Variants in UTS2B observed in about 807,000 individuals in gnomAD.
The protein encoded by UTS2B is urotensin-2B.
Under a neutral mutation model 19.2 loss-of-function variants are expected in UTS2B, and 21 were observed. The ratio of observed to expected loss-of-function variants is 1.09; its 90% CI spans 0.78 to 1.58. The LOEUF (loss-of-function observed/expected upper bound fraction) is 1.58. Among genes scored for constraint, UTS2B ranks in the 40% most tolerant of loss-of-function variants. The pLI is 0.00. For synonymous variants in UTS2B, 57 were observed against 50.2 expected (o/e 1.14, Z -0.58); for missense variants, 138 against 130.3 (o/e 1.06, Z -0.29).
chr3:191,275,488 G>T (rs542734672), intron 7 of UTS2B, 143 bp from the exon 8 acceptor site: 34 of 599,506 alleles, frequency 5.7e-5, no homozygotes, highest in Middle Eastern at 4.1e-4. Flanking sequence ...AGACCATCCT[G>T]GCTAACACAG....
chr3:191,268,063 A>C lies in UTS2B; in HGVS notation c.*353T>G. On this transcript the variant is annotated 3_prime_UTR_variant, in exon 9 of 9. Transcript: ENST00000340524. The stretch of plus-strand genomic sequence containing the variant: ...ACAACCCTATCTTATCCATATGGAC[A>C]GGCGCCTTCCATGCATCCGTTTATA... 1 of 163,886 alleles carries C rather than the reference A, an allele frequency of 6.1e-6. No homozygotes were observed. The highest frequency in any genetic ancestry group is 1.3e-5 in the Non-Finnish European group (1 of 75,628). 10.2% of individuals were successfully genotyped at this position (163,886 alleles called of 1,614,324 possible).
chr3:191,344,602 G>T, the UTS2B span, among the ~76,000 whole-genome samples: 2 of 151,888 alleles, frequency 1.3e-5, no homozygotes, highest in African/African-American at 2.4e-5. Flanking sequence ...TTTTGGAGAC[G>T]GAGTCTCGCT....
chr3:191,342,660 A>G, the UTS2B span, among the ~76,000 whole-genome samples: 6 of 152,226 alleles, frequency 3.9e-5, no homozygotes, highest in Admixed American at 3.9e-4. Flanking sequence ...GGCTAAGGCA[A>G]ACAGAGTACT....
At chr3:191,309,941 TTTC>T (rs1197717759) in intron 3 of UTS2B, among the ~76,000 whole-genome samples, 1 of 152,088 alleles carries the variant, frequency 6.6e-6, no homozygotes, top group Non-Finnish European at 1.5e-5. Context: ...GAATTTTTTT[TTTC>T]TTTCTTTTTT....
upstream of UTS2B, among the ~76,000 whole-genome samples, chr3:191,331,547 A>G (rs1717985238): frequency 6.6e-6 from 1 of 152,228 alleles, no homozygotes; most frequent in East Asian, 1.9e-4. Flanking sequence ...AAGAAAATTC[A>G]GTGTGGCTCT....
chr3:191,309,465 G>A (rs141835609), intron 3 of UTS2B, among the ~76,000 whole-genome samples: 2,470 of 152,026 alleles, frequency 0.016, 31 homozygotes, highest in Non-Finnish European at 0.024. Context: ...GAGCCACCTC[G>A]CCTGGCCTCT....
chr3:191,315,415 G>C (rs886120226), intron 3 of UTS2B, among the ~76,000 whole-genome samples: 3 of 152,212 alleles, frequency 2.0e-5, no homozygotes, highest in African/African-American at 7.2e-5. Flanking sequence ...CCTGTGGTTG[G>C]CATAGGAAGT....
chr3:191,314,340 G>A (rs535391390), intron 3 of UTS2B, among the ~76,000 whole-genome samples: 18 of 152,226 alleles, frequency 1.2e-4, no homozygotes, highest in Middle Eastern at 3.4e-3. Flanking sequence ...TTCCAATTGG[G>A]TCAGCAGTCG....
At chr3:191,337,168 G>GA in the UTS2B span, among the ~76,000 whole-genome samples, 120 of 141,004 alleles carry the variant, frequency 8.5e-4, no homozygotes, top group African/African-American at 1.3e-3. Context: ...ATACTAGACA[G>GA]AAAAAAAAAA....
At chr3:191,275,392 T>C (rs1435744998) in intron 7 of UTS2B, 47 bp from the exon 8 acceptor site, 1 of 1,526,880 alleles carries the variant, frequency 6.5e-7, no homozygotes, top group Admixed American at 1.7e-5. Context: ...TATAAAACCA[T>C]GCTGTTGACC....
chr3:191,331,761 T>C (rs1039434523), upstream of UTS2B, among the ~76,000 whole-genome samples: 1 of 152,186 alleles, frequency 6.6e-6, no homozygotes, highest in Non-Finnish European at 1.5e-5. Context: ...CTAATATAAC[T>C]CTTAATTATG....
Position 191,282,118 on chromosome 3 carries a change from T to G in UTS2B, c.72A>C (p.Gln24His), listed in dbSNP as rs755034515. The change falls in exon 5 of 9, where the codon CAA becomes CAC. Residue 24 changes from glutamine (Q) to histidine (H), a missense_variant. By Grantham distance (24) the Gln-to-His change is conservative. Coordinates refer to ENST00000340524, the MANE Select transcript of UTS2B (RefSeq NM_198152.5). ...TAAGATATGGTCGTCCATGCACAGA[T>G]TGTAAAAAACTCAACACGGATAACA... The part of the protein sequence containing the change: ...LTLLSVLSFL[Q>H]SVHGRPYLTQ... The G allele has an allele frequency of 6.2e-7, 1 of 1,613,448 alleles. No homozygotes were observed. The highest frequency in any genetic ancestry group is 8.5e-7 in the Non-Finnish European group (1 of 1,179,646).
At chr3:191,330,747 C>T (rs1269637639), upstream of UTS2B, among the ~76,000 whole-genome samples, 1 of 152,282 alleles carries the variant, frequency 6.6e-6, no homozygotes, top group Admixed American at 6.5e-5. Context: ...CTTAATTTGA[C>T]TCCGTTGGTC....
chr3:191,306,091 C>T (rs952382347), intron 3 of UTS2B, among the ~76,000 whole-genome samples: 7 of 152,130 alleles, frequency 4.6e-5, no homozygotes, highest in African/African-American at 1.2e-4. Flanking sequence ...AGTTTGAAGT[C>T]GCTGAGTGTG....
At chr3:191,319,117 C>G (rs1420948049) in intron 2 of UTS2B, among the ~76,000 whole-genome samples, 1 of 151,916 alleles carries the variant, frequency 6.6e-6, no homozygotes, top group African/African-American at 2.4e-5. Context: ...TGTATTAGCT[C>G]ACAGTCCTCC....
intron 1 of UTS2B, among the ~76,000 whole-genome samples, chr3:191,329,927 T>C (rs1253432620): frequency 1.8e-5 from 2 of 108,610 alleles, no homozygotes; most frequent in East Asian, 7.5e-4. Context: ...GCCCGTTTTT[T>C]CTCAAGGGGG....
intron 4 of UTS2B, among the ~76,000 whole-genome samples, chr3:191,303,333 C>T (rs1717051669): frequency 6.6e-6 from 1 of 152,164 alleles, no homozygotes; most frequent in Non-Finnish European, 1.5e-5. Flanking sequence ...GTCAAACTTT[C>T]AGAGGGTGGA....
upstream of UTS2B, among the ~76,000 whole-genome samples, chr3:191,333,505 C>A (rs187995729): frequency 1.3e-5 from 2 of 152,272 alleles, no homozygotes; most frequent in East Asian, 3.9e-4. Context: ...ACGGCAAACC[C>A]ACTTTCCCTG....
At chr3:191,286,342 T>G (rs1387868162) in intron 4 of UTS2B, among the ~76,000 whole-genome samples, 1 of 152,198 alleles carries the variant, frequency 6.6e-6, no homozygotes, top group Admixed American at 6.5e-5. Flanking sequence ...CTCAGGTGCA[T>G]GCCAAATATT....
Sources: gnomAD v4.1 joint callset for allele counts (sites outside exome capture counted in the v4.1 genomes callset) on GRCh38, gnomAD v4.1.1 for gene constraint, MANE v1.5 for transcripts, NCBI Gene and HGNC (gene_info 2026-07-23, HGNC 2026-07-21) for gene names.